Variants in TNPO2 observed in about 807,000 individuals in gnomAD.
TNPO2 encodes transportin 2, also known as transportin-2.
A neutral mutation model predicts 111.1 loss-of-function variants in TNPO2; 16 were observed. The ratio of observed to expected loss-of-function variants is 0.14; its 90% confidence interval spans 0.10 to 0.22. The LOEUF (loss-of-function observed/expected upper bound fraction) is 0.22, where lower values mean the gene tolerates loss of function less well. Ranked by LOEUF, TNPO2 falls within the 10% of genes least tolerant of loss-of-function variation. The pLI is 1.00. For synonymous variants in TNPO2, 481 were observed against 475.8 expected (o/e 1.01, Z -0.14); for missense variants, 530 against 1,173.7 (o/e 0.45, Z 8.01).
chr19:12,703,173 A>G (rs892196825), intron 20 of TNPO2: 21 of 563,534 alleles, frequency 3.7e-5, no homozygotes, highest in South Asian at 2.8e-4. Context: ...AAGTCAAAGG[A>G]AAAAAAAAGC....
intron 5 of TNPO2, among the ~76,000 whole-genome samples, chr19:12,716,042 A>C (rs895424700): frequency 6.6e-6 from 1 of 151,928 alleles, no homozygotes; most frequent in Non-Finnish European, 1.5e-5. Context: ...ACTAATTTTT[A>C]AAATTGTTTG....
In TNPO2 at chr19:12,699,322, AG is replaced by A. The variant is rs762359855; in HGVS notation, c.*1941del. The A allele has an allele frequency of 1.6e-5, 7 of 428,454 alleles. No individual in the cohort carries two copies. Among genetic ancestry groups the A allele is most frequent in the South Asian group, 1.2e-4 (7 of 59,974 alleles). 26.5% of individuals were successfully genotyped at this position (428,454 alleles called of 1,614,324 possible). A position where few individuals can be genotyped will look rare whatever the true frequency, so the allele number is the denominator to read the frequency against. On this transcript the variant is annotated 3_prime_UTR_variant, in exon 26 of 26. Coordinates refer to ENST00000425528, the MANE Select transcript of TNPO2 (RefSeq NM_001382241.1). The stretch of plus-strand genomic sequence containing the variant: ...ACAGACCCGGGAGCCCGCAGGGGGA[AG>A]AGGGTGAGGAGGGAAAGAGGGACTG...
Position 12,714,946 on chromosome 19 carries a change from TA to T in TNPO2, c.772-8del, listed in dbSNP as rs1245565167. The T allele has an allele frequency of 6.2e-6, 10 of 1,606,982 alleles. No homozygotes were observed. The highest frequency in any genetic ancestry group is 8.5e-6 in the Non-Finnish European group (10 of 1,177,040). On this transcript the variant is annotated splice_region_variant and splice_polypyrimidine_tract_variant and intron_variant, in intron 9 of 25. Coordinates refer to ENST00000425528, the MANE Select transcript of TNPO2 (RefSeq NM_001382241.1). ...GGGTCCTCTGCAGCATGTACTGTGGTAGGGGGGAGAAGCTGAGGCCTGGCCT... is the reference window on the plus strand; with the variant it reads ...GGGTCCTCTGCAGCATGTACTGTGGTGGGGGGAGAAGCTGAGGCCTGGCCT...
chr19:12,723,766 C>T lies in TNPO2; in HGVS notation c.-131+3G>A, dbSNP rs1292099297. ...AAGGAGGGGAACAGCTATCTCAACC[C>T]ACTTGCCGTAGGCAAAGTCAGTCCC... On this transcript the variant is annotated splice_donor_region_variant and intron_variant, in intron 1 of 25. Coordinates refer to ENST00000425528, the MANE Select transcript of TNPO2 (RefSeq NM_001382241.1). The T allele has an allele frequency of 6.6e-6, 1 of 152,232 alleles. No homozygotes were observed. Among genetic ancestry groups the T allele is most frequent in the Non-Finnish European group, 1.5e-5 (1 of 68,042 alleles). The allele number at this position is 152,232 out of a possible 1,614,324, so 9.4% of individuals were successfully genotyped here.
At position 12,702,778 on chromosome 19, in the gene TNPO2, A is replaced by G; in HGVS notation, c.2305+45T>C. 1 of 1,567,164 alleles carries G rather than the reference A, an allele frequency of 6.4e-7. No homozygotes were observed. The highest frequency in any genetic ancestry group is 8.8e-7 in the Non-Finnish European group (1 of 1,138,326). ...CTTCCCAGCCCAGAACCCCACCTCC[A>G]GAAGGCAGGCAGGGGTGCAGGCAGC... On this transcript the variant is annotated intron_variant, in intron 21 of 25. Transcript: ENST00000425528. The surrounding 1 kb of genome is among the most constrained non-coding windows in gnomAD (Gnocchi z 5.5).
At chr19:12,718,992 T>G (rs758031907) in intron 5 of TNPO2, 37 bp downstream of exon 5, 4 of 1,610,138 alleles carry the variant, frequency 2.5e-6, no homozygotes, top group East Asian at 4.5e-5. Context: ...GAGAGTTCAG[T>G]GTGTCCTCAG....
chr19:12,711,422 G>T lies in TNPO2; in HGVS notation c.991C>A (p.Gln331Lys). ...EEDEAVPDSE[Q>K]DIKPRFHKSR... is the part of the protein sequence containing the mutation. Reference sequence around the variant, plus strand: ...TTGTGGAAGCGTGGCTTGATGTCCTGCTCACTGTCGGGGACAGCCTCATCC... The same window carrying T: ...TTGTGGAAGCGTGGCTTGATGTCCTTCTCACTGTCGGGGACAGCCTCATCC... The change falls in exon 12 of 26, where the codon CAG becomes AAG. Residue 331 changes from glutamine to lysine, a missense_variant. Gln to Lys is a moderately conservative substitution (Grantham distance 53). Transcript: ENST00000425528. The T allele has an allele frequency of 6.2e-7, 1 of 1,614,016 alleles. No homozygotes were observed. The highest frequency in any genetic ancestry group is 8.5e-7 in the Non-Finnish European group (1 of 1,179,894).
At chr19:12,714,048 T>C (rs1221088944) in intron 10 of TNPO2, among the ~76,000 whole-genome samples, 1 of 151,860 alleles carries the variant, frequency 6.6e-6, no homozygotes, top group African/African-American at 2.4e-5. Flanking sequence ...AAGAAAAAAA[T>C]GATTTGGAGA....
intron 12 of TNPO2, 107 bp from the exon 13 acceptor site, chr19:12,710,880 G>C (rs562271660): frequency 3.5e-6 from 4 of 1,154,412 alleles, no homozygotes; most frequent in East Asian, 2.8e-5. Context: ...GAATCTTCAC[G>C]ATCAGCTTCT....
intron 18 of TNPO2, among the ~76,000 whole-genome samples, chr19:12,704,920 T>C (rs2025548776): frequency 1.3e-5 from 2 of 152,088 alleles, no homozygotes; most frequent in Admixed American, 1.3e-4. Context: ...TGACCTCAAG[T>C]GATTCACCTG....
intron 5 of TNPO2, among the ~76,000 whole-genome samples, chr19:12,716,400 T>C (rs1025958173): frequency 6.6e-6 from 1 of 151,420 alleles, no homozygotes; most frequent in African/African-American, 2.4e-5. Flanking sequence ...CCGAGGTGGG[T>C]GGATCACTTG....
Position 12,705,163 on chromosome 19 carries a change from A to T in TNPO2, c.2022+77T>A. The T allele has an allele frequency of 6.9e-7, 1 of 1,439,656 alleles. No homozygotes were observed. The highest frequency in any genetic ancestry group is 9.5e-7 in the Non-Finnish European group (1 of 1,053,240). 89.2% of individuals were successfully genotyped at this position (1,439,656 alleles called of 1,614,324 possible). A position where few individuals can be genotyped will look rare whatever the true frequency, so the allele number is the denominator to read the frequency against. On this transcript the variant is annotated intron_variant, in intron 18 of 25. Coordinates refer to ENST00000425528, the MANE Select transcript of TNPO2 (RefSeq NM_001382241.1). The surrounding 1 kb of genome is among the most constrained non-coding windows in gnomAD (Gnocchi z 7.2). ...CTTTTCCCTGATTTCCTTTGGGCAC[A>T]ACCAGGCCCTGACTCCCCACCAGGG...
At position 12,702,008 on chromosome 19, in the gene TNPO2, G is replaced by A. The variant is rs1441925668; in HGVS notation, c.2411+64C>T. 1.3e-6 allele frequency: 2 copies of A among 1,530,054 alleles called. No individual in the cohort carries two copies. The highest frequency in any genetic ancestry group is 1.1e-5 in the South Asian group (1 of 89,204). 94.8% of individuals were successfully genotyped at this position (1,530,054 alleles called of 1,614,324 possible). On this transcript the variant is annotated intron_variant, in intron 22 of 25. Coordinates refer to ENST00000425528, the MANE Select transcript of TNPO2 (RefSeq NM_001382241.1). The surrounding 1 kb of genome is among the most constrained non-coding windows in gnomAD (Gnocchi z 5.5). ...AGGCAGATGGGGCTGGAAATGCACAGGCGAGGGAGGGGGTTGGGCCAGTCC... is the reference window on the plus strand; with the variant it reads ...AGGCAGATGGGGCTGGAAATGCACAAGCGAGGGAGGGGGTTGGGCCAGTCC...
Position 12,702,859 on chromosome 19 carries a change from G to A in TNPO2, c.2269C>T (p.Arg757Ter), listed in dbSNP as rs1435698319. 6.2e-7 allele frequency: 1 copy of A among 1,613,870 alleles called. No individual in the cohort carries two copies. Among genetic ancestry groups the A allele is most frequent in the Non-Finnish European group, 8.5e-7 (1 of 1,179,812 alleles). Reference sequence around the variant, plus strand: ...AGCAGTGTCTTGGGTGTGTTGGGTCGGTTAATGATTTCCACCAGGTTGTTG... The same window carrying A: ...AGCAGTGTCTTGGGTGTGTTGGGTCAGTTAATGATTTCCACCAGGTTGTTG... ...VLNNLVEIIN[R>*]PNTPKTLLEN... The change falls in exon 21 of 26, where the codon CGA (arginine) becomes TGA (stop). Residue 757 changes from arginine (R) to a stop codon, truncating the protein, a stop_gained. Coordinates refer to ENST00000425528, the MANE Select transcript of TNPO2 (RefSeq NM_001382241.1). LOFTEE classifies it high-confidence loss of function. The surrounding 1 kb of genome is among the most constrained non-coding windows in gnomAD (Gnocchi z 5.5).
intron 1 of TNPO2, 28 bp downstream of exon 1, chr19:12,723,741 A>T (rs1384222653): frequency 5.3e-5 from 8 of 152,120 alleles, no homozygotes; most frequent in Admixed American, 5.2e-4. Flanking sequence ...CCCCTGCCTG[A>T]AGGAGGGGAA....
rs45603335 is a variant in TNPO2 at position 12,719,379 on chromosome 19, C to A, written c.100-43G>T. The A allele has an allele frequency of 1.1e-3, 1,640 of 1,556,772 alleles. 1 individual carries two copies. The highest frequency in any genetic ancestry group is 1.4e-3 in the Non-Finnish European group (1,562 of 1,130,076). On this transcript the variant is annotated intron_variant, in intron 3 of 25. Coordinates refer to ENST00000425528, the MANE Select transcript of TNPO2 (RefSeq NM_001382241.1). The surrounding 1 kb of genome is among the most constrained non-coding windows in gnomAD (Gnocchi z 5.0). ...GACTTGGAAGACAGAGGCCTTCCCCCAGCCAGGTCCCCTCATTATGTACCT... is the reference window on the plus strand; with the variant it reads ...GACTTGGAAGACAGAGGCCTTCCCCAAGCCAGGTCCCCTCATTATGTACCT...
intron 20 of TNPO2, 28 bp downstream of exon 20, chr19:12,703,400 C>T (rs781684269): frequency 5.6e-6 from 9 of 1,597,308 alleles, no homozygotes; most frequent in South Asian, 4.4e-5. Context: ...TAATGGGGGG[C>T]GCGTGTTGCC....
Position 12,723,323 on chromosome 19 carries a change from T to G in TNPO2, c.-88A>C, listed in dbSNP as rs1353896900. 1 of 152,214 alleles carries G rather than the reference T, an allele frequency of 6.6e-6. No individual in the cohort carries two copies. The highest frequency in any genetic ancestry group is 1.5e-5 in the Non-Finnish European group (1 of 68,044). The allele number at this position is 152,214 out of a possible 1,614,324, so 9.4% of individuals were successfully genotyped here. A position where few individuals can be genotyped will look rare whatever the true frequency, so the allele number is the denominator to read the frequency against. On this transcript the variant is annotated 5_prime_UTR_variant, in exon 2 of 26. Coordinates refer to ENST00000425528, the MANE Select transcript of TNPO2 (RefSeq NM_001382241.1). ...GTCATGAAGAAAGAAATCTTCTTGA[T>G]CCTTGCGACGTCTGAAGACAGTAGG...
chr19:12,710,456 G>A (rs574784020), intron 13 of TNPO2, among the ~76,000 whole-genome samples, 165 bp downstream of exon 13: 6 of 152,298 alleles, frequency 3.9e-5, no homozygotes, highest in African/African-American at 1.4e-4. Context: ...GGGCTCCAGG[G>A]GTTCCTTTCA....
Sources: allele counts gnomAD v4.1 joint callset (sites outside exome capture counted in the v4.1 genomes callset), GRCh38; gene constraint gnomAD v4.1.1; non-coding constraint Gnocchi (gnomAD v3.1); transcripts MANE v1.5; gene names NCBI Gene and HGNC (gene_info 2026-07-23, HGNC 2026-07-21).